UBN1: variants seen among roughly 807,000 people sequenced by gnomAD.
UBN1 encodes the protein ubinuclein 1.
A neutral mutation model predicts 108.5 loss-of-function variants in UBN1; 17 were observed. The ratio of observed to expected loss-of-function variants is 0.16; its 90% CI spans 0.11 to 0.24. The LOEUF (loss-of-function observed/expected upper bound fraction) is 0.24, where lower values mean the gene tolerates loss of function less well. UBN1 is among the 10% of genes least tolerant of loss of function. The pLI, the probability that UBN1 is intolerant of heterozygous loss-of-function variation, is 1.00. For missense variants in UBN1, 1,595 were observed against 1,394.4 expected, an observed-to-expected ratio of 1.14 and a Z score of -2.29; for synonymous variants, 726 against 564.2, an observed-to-expected ratio of 1.29 and a Z score of -4.07.
chr16:4,880,088 T>G lies in UBN1; in HGVS notation c.3361T>G (p.Ser1121Ala). 6.2e-7 allele frequency: 1 copy of G among 1,614,058 alleles called. No homozygotes were observed. Among genetic ancestry groups the G allele is most frequent in the African/African-American group, 1.3e-5 (1 of 75,006 alleles). ...THIPQSLPGA[S>A]QLHGKGPAVP... is the part of the protein sequence containing the mutation. ...TTTTTCTTACTCTTTTCCAGGTGCT[T>G]CTCAGCTTCACGGGAAAGGGCCTGC... Residue 1121 changes from serine to alanine, a missense_variant, in exon 18 of 18, where the codon TCT (serine) becomes GCT (alanine). Physicochemically the swap from Ser to Ala is moderately conservative, Grantham distance 99. Transcript: ENST00000262376.
rs766777990 is a variant in UBN1, at chr16:4,874,243, T to C, written c.1833T>C (p.Ser611=). 7.0e-6 allele frequency: 11 copies of C among 1,571,638 alleles called. No individual in the cohort carries two copies. The highest frequency in any genetic ancestry group is 4.1e-5 in the African/African-American group (3 of 72,772). The change falls in exon 15 of 18, where the codon TCT becomes TCC. Residue 611 remains serine, a synonymous_variant. Transcript: ENST00000262376. ...CTACGAAGCCTGATAAAAAGGTTTC[T>C]GTCCCATCAGGACAGATTGGTGGCC... ...ESSTKPDKKV[S]VPSGQIGGPI...
chr16:4,877,489 G>T lies in UBN1; in HGVS notation c.3355+15G>T. 6.2e-7 allele frequency: 1 copy of T among 1,605,778 alleles called. No individual in the cohort carries two copies. The highest frequency in any genetic ancestry group is 8.5e-7 in the Non-Finnish European group (1 of 1,177,642). On this transcript the variant is annotated intron_variant, in intron 17 of 17. Transcript: ENST00000262376. The surrounding 1 kb of genome is among the most constrained non-coding windows in gnomAD (Gnocchi z 4.3). Reference sequence around the variant, plus strand: ...GAGTCTGCCAGGTAATCACCCGACGGTCAGTGTGCCACGCGCACCGTGTGC... The same window carrying T: ...GAGTCTGCCAGGTAATCACCCGACGTTCAGTGTGCCACGCGCACCGTGTGC...
chr16:4,854,038 G>GT (rs1033456381), intron 2 of UBN1, among the ~76,000 whole-genome samples: 3 of 151,886 alleles, frequency 2.0e-5, no homozygotes, highest in Non-Finnish European at 2.9e-5. Flanking sequence ...GATTTGTGGG[G>GT]TTTTTTTGTT....
intron 17 of UBN1, 83 bp from the exon 18 acceptor site, chr16:4,880,000 C>T: frequency 2.0e-6 from 3 of 1,464,656 alleles, no homozygotes; most frequent in Non-Finnish European, 2.9e-6. Context: ...TTAGGTGTCT[C>T]CCTTGAAGTT....
intron 15 of UBN1, among the ~76,000 whole-genome samples, 199 bp downstream of exon 15, chr16:4,875,633 T>A (rs965134286): frequency 6.6e-6 from 1 of 152,192 alleles, no homozygotes; most frequent in Non-Finnish European, 1.5e-5. Context: ...CAGGATGGCC[T>A]AAAGCTTCTT....
chr16:4,870,145 C>A (rs780388282), intron 8 of UBN1, 67 bp from the exon 9 acceptor site: 1 of 1,603,302 alleles, frequency 6.2e-7, no homozygotes. Flanking sequence ...TCTCCACGTA[C>A]GGTGAGCTGA....
intron 7 of UBN1, among the ~76,000 whole-genome samples, chr16:4,862,974 G>A (rs1380271898): frequency 2.0e-5 from 3 of 152,192 alleles, no homozygotes; most frequent in Non-Finnish European, 4.4e-5. Flanking sequence ...TGTTCTGGTT[G>A]GAAAATACAG....
Position 4,875,053 on chromosome 16 carries a change from T to G in UBN1, c.2643T>G (p.Ser881=). ...ACAAGACCCCAGCCTCGTCCTCTTC[T>G]GCCCTGAGCCATCCAGCAAAGCCAC... ...SSHKTPASSS[S]ALSHPAKPHS... is the part of the protein sequence containing the mutation. The change falls in exon 15 of 18, where the codon TCT becomes TCG. Residue 881 remains serine (S), a synonymous_variant. Transcript: ENST00000262376. 1 of 1,614,032 alleles carries G rather than the reference T, an allele frequency of 6.2e-7. No homozygotes were observed. Among genetic ancestry groups the G allele is most frequent in the Non-Finnish European group, 8.5e-7 (1 of 1,180,040 alleles).
At chr16:4,874,087 G>T in intron 14 of UBN1, 124 bp from the exon 15 acceptor site, 1 of 1,231,480 alleles carries the variant, frequency 8.1e-7, no homozygotes, top group South Asian at 1.6e-5. Flanking sequence ...CCCACCACTT[G>T]TCTTGTAATT....
chr16:4,856,949 TAAG>T (rs1328758842), intron 2 of UBN1, among the ~76,000 whole-genome samples: 2 of 152,188 alleles, frequency 1.3e-5, no homozygotes, highest in African/African-American at 2.4e-5. Context: ...GAGGGTGAGA[TAAG>T]AAAGTTTGTT....
intron 12 of UBN1, among the ~76,000 whole-genome samples, chr16:4,871,662 C>A (rs1203650412): frequency 7.0e-6 from 1 of 142,622 alleles, no homozygotes; most frequent in Non-Finnish European, 1.5e-5. Flanking sequence ...TCTCAGCTCA[C>A]TGCAAGCTCC....
At chr16:4,849,332 C>G (rs2086409097) in intron 1 of UBN1, among the ~76,000 whole-genome samples, 1 of 151,998 alleles carries the variant, frequency 6.6e-6, no homozygotes, top group African/African-American at 2.4e-5. Flanking sequence ...GATGATAGGT[C>G]TGCCTATTTT....
chr16:4,852,303 A>G (rs1028935487), intron 1 of UBN1: 2 of 152,172 alleles, frequency 1.3e-5, no homozygotes, highest in Non-Finnish European at 2.9e-5. Context: ...ATAATTTGTT[A>G]TTTTGTCAAG....
chr16:4,870,563 C>T lies in UBN1; in HGVS notation c.1359C>T (p.Gly453=). Residue 453 remains glycine (G), a synonymous_variant, in exon 10 of 18, where the codon GGC becomes GGT. Coordinates refer to ENST00000262376, the MANE Select transcript of UBN1 (RefSeq NM_001079514.3). ...EPLQKLKEAI[G]RAMPEQMAKY... ...TCCAGAAGCTCAAGGAAGCCATTGG[C>T]AGGGCGATGCCAGAGCAGATGGCCA... 1 of 1,614,260 alleles carries T rather than the reference C, an allele frequency of 6.2e-7. No homozygotes were observed. Among genetic ancestry groups the T allele is most frequent in the South Asian group, 1.1e-5 (1 of 91,084 alleles).
chr16:4,875,927 G>A (rs971798534), intron 15 of UBN1, among the ~76,000 whole-genome samples: 1 of 151,976 alleles, frequency 6.6e-6, no homozygotes, highest in Non-Finnish European at 1.5e-5. Flanking sequence ...CAGCAGGTTC[G>A]GGAAGAGGGA....
Position 4,882,124 on chromosome 16 carries a change from G to A in UBN1, c.*1992G>A, listed in dbSNP as rs974651916. 6.6e-6 allele frequency: 1 copy of A among 152,586 alleles called. No homozygotes were observed. The highest frequency in any genetic ancestry group is 1.5e-5 in the Non-Finnish European group (1 of 68,048). The allele number at this position is 152,586 out of a possible 1,614,324, so 9.5% of individuals were successfully genotyped here. On this transcript the variant is annotated 3_prime_UTR_variant, in exon 18 of 18. Transcript: ENST00000262376. ...GCGAATGACTGAACAGCCATGGCAA[G>A]GCAGACCTACAGGCGAGGCCGCAGC...
At chr16:4,871,062 T>C in intron 11 of UBN1, 90 bp downstream of exon 11, 1 of 1,602,364 alleles carries the variant, frequency 6.2e-7, no homozygotes, top group Non-Finnish European at 8.5e-7. Context: ...TTAGGCTCAT[T>C]TACTTTCATC....
intron 2 of UBN1, among the ~76,000 whole-genome samples, chr16:4,856,519 G>A (rs2086817792): frequency 1.3e-5 from 2 of 152,164 alleles, no homozygotes; most frequent in African/African-American, 2.4e-5. Context: ...TGAGAGAATG[G>A]TACCACCGCA....
chr16:4,847,994 G>C lies in UBN1; in HGVS notation c.-256G>C, dbSNP rs916421959. The C allele has an allele frequency of 6.5e-6, 1 of 152,936 alleles. No individual in the cohort carries two copies. The highest frequency in any genetic ancestry group is 2.4e-5 in the African/African-American group (1 of 41,454). 9.5% of individuals were successfully genotyped at this position (152,936 alleles called of 1,614,324 possible). A position where few individuals can be genotyped will look rare whatever the true frequency, so the allele number is the denominator to read the frequency against. On this transcript the variant is annotated 5_prime_UTR_variant, in exon 1 of 18. Coordinates refer to ENST00000262376, the MANE Select transcript of UBN1 (RefSeq NM_001079514.3). The stretch of plus-strand genomic sequence containing the variant: ...TCCCCGGAGTGGCTGCGCGGACGTC[G>C]AGTTGGCATTTCTTCGCTTCCTCCT...
Sources: allele counts gnomAD v4.1 joint callset (sites outside exome capture counted in the v4.1 genomes callset), GRCh38; gene constraint gnomAD v4.1.1; non-coding constraint Gnocchi (gnomAD v3.1); transcripts MANE v1.5; gene names NCBI Gene and HGNC (gene_info 2026-07-23, HGNC 2026-07-21).